The following PEAK1 variants were observed in gnomAD, a reference collection of about 807,000 sequenced individuals.
PEAK1 encodes the protein inactive tyrosine-protein kinase PEAK1.
PEAK1 carries 54 observed loss-of-function variants against 124.7 expected under a neutral mutation model. The ratio of observed to expected loss-of-function variants is 0.43; its 90% CI spans 0.35 to 0.54. The LOEUF (loss-of-function observed/expected upper bound fraction) is 0.54, where lower values mean the gene tolerates loss of function less well. Ranked by LOEUF, PEAK1 falls within the 20% of genes least tolerant of loss-of-function variation. The pLI is 0.01. For synonymous variants in PEAK1, 719 were observed against 760.0 expected (o/e 0.95, Z 0.89); for missense variants, 2,046 against 2,134.5 (o/e 0.96, Z 0.82).
intron 6 of PEAK1, among the ~76,000 whole-genome samples, chr15:77,199,637 T>C (rs1156690078): frequency 6.6e-6 from 1 of 152,220 alleles, no homozygotes; most frequent in Non-Finnish European, 1.5e-5. Flanking sequence ...AAAGAAATCA[T>C]GACAGAGACT....
At chr15:77,219,902 CATTT>C (rs1393643392) in intron 6 of PEAK1, among the ~76,000 whole-genome samples, 1 of 152,024 alleles carries the variant, frequency 6.6e-6, no homozygotes, top group Non-Finnish European at 1.5e-5. Context: ...TGCTAAAATT[CATTT>C]ATTAATAGGC....
intron 6 of PEAK1, among the ~76,000 whole-genome samples, chr15:77,231,912 G>A (rs929201178): frequency 2.0e-5 from 3 of 151,982 alleles, no homozygotes; most frequent in African/African-American, 7.2e-5. Flanking sequence ...AAGTACTTCT[G>A]ACTATGTTTA....
At position 77,111,901 on chromosome 15, in the gene PEAK1, G is replaced by A. The variant is rs993490267; in HGVS notation, c.*2255C>T. ...CAAGACATTGCAAGATGGGAGGTGG[G>A]GGAGGTTAAGGGAATGTGCTGGCTG... On this transcript the variant is annotated 3_prime_UTR_variant, in exon 10 of 10. Transcript: ENST00000682557. The A allele has an allele frequency of 6.6e-6, 1 of 152,266 alleles. No homozygotes were observed. Among genetic ancestry groups the A allele is most frequent in the Non-Finnish European group, 1.5e-5 (1 of 68,062 alleles). The allele number at this position is 152,266 out of a possible 1,614,324, so 9.4% of individuals were successfully genotyped here.
intron 5 of PEAK1, among the ~76,000 whole-genome samples, chr15:77,280,022 T>G (rs998126491): frequency 6.6e-6 from 1 of 152,120 alleles, no homozygotes; most frequent in Non-Finnish European, 1.5e-5. Context: ...TCCGAACATG[T>G]GTTAAAGCTC....
intron 2 of PEAK1, chr15:77,349,277 G>A (rs551936285): frequency 3.7e-5 from 25 of 672,414 alleles, no homozygotes; most frequent in South Asian, 6.7e-5. Flanking sequence ...CTGACCTTAC[G>A]ATCTGCCCGC....
chr15:77,356,696 C>T (rs1345206540), intron 2 of PEAK1, among the ~76,000 whole-genome samples: 1 of 152,072 alleles, frequency 6.6e-6, no homozygotes, highest in East Asian at 1.9e-4. Flanking sequence ...TCAACAATAA[C>T]CCAGTTTTTA....
At position 77,111,740 on chromosome 15, in the gene PEAK1, A is replaced by G. The variant is rs1012918222; in HGVS notation, c.*2416T>C. On this transcript the variant is annotated 3_prime_UTR_variant, in exon 10 of 10. Transcript: ENST00000682557. ...CAGAAAAAGAGAAAGAAAAAAAAAGATAAGTAGAGACATAACAAATAGAGG... is the reference window on the plus strand; with the variant it reads ...CAGAAAAAGAGAAAGAAAAAAAAAGGTAAGTAGAGACATAACAAATAGAGG... 10 of 152,354 alleles carry G rather than the reference A, an allele frequency of 6.6e-5. No homozygotes were observed. The highest frequency in any genetic ancestry group is 2.2e-4 in the African/African-American group (9 of 41,586). 9.4% of individuals were successfully genotyped at this position (152,354 alleles called of 1,614,324 possible).
chr15:77,397,756 C>T (rs1322808448), intron 1 of PEAK1, among the ~76,000 whole-genome samples: 2 of 151,970 alleles, frequency 1.3e-5, no homozygotes. Context: ...CTGAACAGAC[C>T]AATAACAAAT....
chr15:77,383,020 T>A (rs948102007), intron 1 of PEAK1, among the ~76,000 whole-genome samples: 1 of 123,074 alleles, frequency 8.1e-6, no homozygotes, highest in African/African-American at 3.3e-5. Context: ...TTGTATCTCC[T>A]TTTTTTTTTT....
intron 7 of PEAK1, among the ~76,000 whole-genome samples, chr15:77,164,477 A>T (rs959388191): frequency 6.6e-6 from 1 of 152,206 alleles, no homozygotes; most frequent in Non-Finnish European, 1.5e-5. Flanking sequence ...AATTGTACAG[A>T]TCCACTTTTT....
At chr15:77,250,178 TATGTATATATATAC>T (rs1003746947) in intron 6 of PEAK1, among the ~76,000 whole-genome samples, 2 of 113,746 alleles carry the variant, frequency 1.8e-5, no homozygotes, top group Non-Finnish European at 4.2e-5. Context: ...TATATATGTA[TATGTATATATATAC>T]ATATATATAC....
chr15:77,285,887 C>T (rs1464822247), intron 3 of PEAK1, among the ~76,000 whole-genome samples: 1 of 152,064 alleles, frequency 6.6e-6, no homozygotes, highest in South Asian at 2.1e-4. Flanking sequence ...TATTTCTTGT[C>T]TTCTGCTAGC....
In PEAK1 at chr15:77,344,514, T is replaced by C. The variant is rs575210656; in HGVS notation, c.-603+20649A>G. ...AGGAAGTGAGAGACCTCCAACTCTG[T>C]TCTTCTTTTCAAGATTGTTTTGGCT... On this transcript the variant is annotated intron_variant, in intron 2 of 9. Transcript: ENST00000682557. 2.4e-4 allele frequency among the ~76,000 whole-genome samples: 37 copies of C among 152,348 alleles called. 1 individual carries two copies. In the South Asian group the frequency reaches 7.2e-3, roughly 30 times the overall value.
rs549758179 is a variant in PEAK1 at position 77,163,538 on chromosome 15, G to T, written c.3138-4842C>A. On this transcript the variant is annotated intron_variant, in intron 7 of 9. Transcript: ENST00000682557. ...AAATAATCCTTTTTTTGTTTCTCTG[G>T]GATATTCGTTCAAGACAGATTTTTG... 6.6e-5 allele frequency among the ~76,000 whole-genome samples: 10 copies of T among 152,188 alleles called. No individual in the cohort carries two copies. The East Asian group carries it at 1.7e-3, about 26-fold the overall frequency.
intron 7 of PEAK1, among the ~76,000 whole-genome samples, chr15:77,168,635 G>A (rs1317266943): frequency 6.6e-6 from 1 of 152,062 alleles, no homozygotes; most frequent in East Asian, 1.9e-4. Flanking sequence ...AGTGGATTAG[G>A]GGGCTCTCAG....
At chr15:77,201,934 T>C (rs2058383114) in intron 6 of PEAK1, among the ~76,000 whole-genome samples, 1 of 152,166 alleles carries the variant, frequency 6.6e-6, no homozygotes, top group South Asian at 2.1e-4. Context: ...GTGTTAGATG[T>C]CATACTTAGA....
At chr15:77,297,712 T>C (rs561670117) in intron 2 of PEAK1, among the ~76,000 whole-genome samples, 1 of 127,462 alleles carries the variant, frequency 7.8e-6, no homozygotes, top group South Asian at 2.8e-4. Flanking sequence ...TGAGCCAAGA[T>C]GGCGCCACTG....
chr15:77,274,737 C>G (rs1164651219), intron 5 of PEAK1, among the ~76,000 whole-genome samples: 1 of 152,056 alleles, frequency 6.6e-6, no homozygotes, highest in African/African-American at 2.4e-5. Flanking sequence ...TAGTACACCA[C>G]TATGGAAAAC....
intron 2 of PEAK1, among the ~76,000 whole-genome samples, chr15:77,354,090 C>A (rs770278974): frequency 2.0e-5 from 3 of 152,204 alleles, no homozygotes; most frequent in Non-Finnish European, 2.9e-5. Flanking sequence ...CTCTCTCTCC[C>A]TTTCAAGCCT....
Sources: gnomAD v4.1 joint callset for allele counts (sites outside exome capture counted in the v4.1 genomes callset) on GRCh38, gnomAD v4.1.1 for gene constraint, MANE v1.5 for transcripts, NCBI Gene and HGNC (gene_info 2026-07-23, HGNC 2026-07-21) for gene names.